EIF3M: variants seen among roughly 807,000 people sequenced by gnomAD.
The protein encoded by EIF3M is B5 receptor.
A neutral mutation model predicts 49.7 loss-of-function variants in EIF3M; 25 were observed. That is an observed-to-expected ratio of 0.50 (90% confidence interval 0.37 to 0.70). The LOEUF (loss-of-function observed/expected upper bound fraction) is 0.70. Ranked by LOEUF, EIF3M falls within the 30% of genes least tolerant of loss-of-function variation. The probability of loss-of-function intolerance (pLI) is 0.00; values close to 1 mark genes in which losing one functional copy is unlikely to be tolerated. For synonymous variants in EIF3M, 156 were observed against 149.8 expected, an observed-to-expected ratio of 1.04 and a Z score of -0.30; for missense variants, 350 against 440.0, an observed-to-expected ratio of 0.80 and a Z score of 1.83.
In EIF3M at chr11:32,596,048, G is replaced by GCCTGTTACATGAACAGAA; in HGVS notation, c.799+1_799+2insCCTGTTACATGAACAGAA. The GCCTGTTACATGAACAGAA allele has an allele frequency of 6.5e-7, 1 of 1,549,946 alleles. No homozygotes were observed. Among genetic ancestry groups the GCCTGTTACATGAACAGAA allele is most frequent in the African/African-American group, 1.4e-5 (1 of 70,716 alleles). On this transcript the variant is annotated splice_donor_variant, in intron 8 of 10. Transcript: ENST00000531120. LOFTEE classifies it high-confidence loss of function. ...AATAAAGACTTCATTGATTCACTTGGTAAGTTTTGGGGTTTATTCTTTGAG... is the reference window on the plus strand; with the variant it reads ...AATAAAGACTTCATTGATTCACTTGGCCTGTTACATGAACAGAATAAGTTTTGGGGTTTATTCTTTGAG...
chr11:32,599,361 CATTT>C (rs531443895), intron 8 of EIF3M, among the ~76,000 whole-genome samples: 41 of 152,120 alleles, frequency 2.7e-4, no homozygotes, highest in Admixed American at 3.3e-4. Flanking sequence ...ATACCTCATT[CATTT>C]GAGTTATGGT....
chr11:32,603,355 T>G lies in EIF3M; in HGVS notation c.*956T>G, dbSNP rs1416403039. 5.1e-6 allele frequency: 1 copy of G among 194,922 alleles called. No individual in the cohort carries two copies. The highest frequency in any genetic ancestry group is 1.0e-5 in the Non-Finnish European group (1 of 96,560). 12.1% of individuals were successfully genotyped at this position (194,922 alleles called of 1,614,324 possible). On this transcript the variant is annotated 3_prime_UTR_variant, in exon 11 of 11. Coordinates refer to ENST00000531120, the MANE Select transcript of EIF3M (RefSeq NM_006360.6). ...TTGGCATGTTTTCAAGACACTGTATTGGGTAATTTTAAAAATAGTGTGTTA... is the reference window on the plus strand; with the variant it reads ...TTGGCATGTTTTCAAGACACTGTATGGGGTAATTTTAAAAATAGTGTGTTA...
intron 6 of EIF3M, 64 bp from the exon 7 acceptor site, chr11:32,594,850 C>CAT: frequency 6.7e-7 from 1 of 1,482,170 alleles, no homozygotes. Flanking sequence ...TTATGATCTG[C>CAT]AAAAACTCAA....
chr11:32,586,709 A>G (rs1287759548), intron 1 of EIF3M, among the ~76,000 whole-genome samples: 1 of 152,220 alleles, frequency 6.6e-6, no homozygotes, highest in Non-Finnish European at 1.5e-5. Context: ...CCTTTGGGTT[A>G]TATTATCAAA....
chr11:32,597,785 A>C (rs1181378492), intron 8 of EIF3M, among the ~76,000 whole-genome samples: 1 of 152,214 alleles, frequency 6.6e-6, no homozygotes, highest in African/African-American at 2.4e-5. Flanking sequence ...ATCAAAACAC[A>C]TTAGAGATTG....
intron 2 of EIF3M, 151 bp downstream of exon 2, chr11:32,587,295 G>A: frequency 2.6e-6 from 2 of 783,488 alleles, no homozygotes; most frequent in Non-Finnish European, 3.7e-6. Context: ...TTGAATTTCA[G>A]ACTACAGGAC....
intron 2 of EIF3M, among the ~76,000 whole-genome samples, chr11:32,588,304 G>A (rs1182097424): frequency 2.7e-5 from 4 of 149,890 alleles, no homozygotes; most frequent in African/African-American, 7.4e-5. Context: ...CGGGAGAATC[G>A]CTTGAACCTG....
intron 7 of EIF3M, among the ~76,000 whole-genome samples, chr11:32,595,549 C>T (rs1160971388): frequency 6.6e-6 from 1 of 152,160 alleles, no homozygotes; most frequent in Non-Finnish European, 1.5e-5. Context: ...CCCTTTCTTT[C>T]ATCTTCTCAC....
At position 32,602,718 on chromosome 11, in the gene EIF3M, G is replaced by T; in HGVS notation, c.*319G>T. 1.9e-6 allele frequency: 2 copies of T among 1,036,098 alleles called. No homozygotes were observed. The highest frequency in any genetic ancestry group is 2.8e-6 in the Non-Finnish European group (2 of 726,222). 64.2% of individuals were successfully genotyped at this position (1,036,098 alleles called of 1,614,324 possible). A position where few individuals can be genotyped will look rare whatever the true frequency, so the allele number is the denominator to read the frequency against. On this transcript the variant is annotated 3_prime_UTR_variant, in exon 11 of 11. Transcript: ENST00000531120. ...AAACTTGGAAAAGCAAAGACAAACTGTAGAGCTTTAAATACAACAGTCATT... is the reference window on the plus strand; with the variant it reads ...AAACTTGGAAAAGCAAAGACAAACTTTAGAGCTTTAAATACAACAGTCATT...
rs920150544 is a variant in EIF3M at position 32,602,508 on chromosome 11, A to G, written c.*109A>G. 9.8e-5 allele frequency: 129 copies of G among 1,313,656 alleles called. 1 individual carries two copies. The Middle Eastern group carries it at 1.1e-3, about 11-fold the overall frequency. 81.4% of individuals were successfully genotyped at this position (1,313,656 alleles called of 1,614,324 possible). ...TCTGGACAGTTATTGTCTCAAATTT[A>G]TACTAAAATCACAAACTCCAGAGGA... On this transcript the variant is annotated 3_prime_UTR_variant, in exon 11 of 11. Transcript: ENST00000531120.
intron 5 of EIF3M, chr11:32,592,613 G>T: frequency 1.9e-6 from 1 of 525,464 alleles, no homozygotes. Flanking sequence ...CAGAGTTTGT[G>T]GAACATTTTG....
chr11:32,605,683 A>C lies in EIF3M; in HGVS notation c.*3284A>C, dbSNP rs1240651261. 1 of 152,212 alleles carries C rather than the reference A, an allele frequency of 6.6e-6. No homozygotes were observed. The highest frequency in any genetic ancestry group is 6.5e-5 in the Admixed American group (1 of 15,288). 9.4% of individuals were successfully genotyped at this position (152,212 alleles called of 1,614,324 possible). On this transcript the variant is annotated 3_prime_UTR_variant, in exon 11 of 11. Transcript: ENST00000531120. ...TAACTACCCACTTGCTGAGAGGGGTAGGAGCAGGGATTGGCTTTAGAGAAA... is the reference window on the plus strand; with the variant it reads ...TAACTACCCACTTGCTGAGAGGGGTCGGAGCAGGGATTGGCTTTAGAGAAA...
In EIF3M at chr11:32,594,979, C is replaced by T. The variant is rs1855157714; in HGVS notation, c.683C>T (p.Pro228Leu). 1 of 1,613,428 alleles carries T rather than the reference C, an allele frequency of 6.2e-7. No individual in the cohort carries two copies. The highest frequency in any genetic ancestry group is 1.7e-5 in the Admixed American group (1 of 59,934). Residue 228 changes from proline (P) to leucine (L), a missense_variant, in exon 7 of 11, where the codon CCA becomes CTA. Transcript: ENST00000531120. ...FLFDHLLTLK[P>L]VKFLEGELIH... Reference sequence around the variant, plus strand: ...TTTGACCACCTTCTTACTTTAAAACCAGTCAAGTTTTTGGAAGGCGAGCTT... The same window carrying T: ...TTTGACCACCTTCTTACTTTAAAACTAGTCAAGTTTTTGGAAGGCGAGCTT...
rs796738414 is a variant in EIF3M, at chr11:32,584,607, C to CAAAAAAAAAAAAAA, written c.42+686_42+699dup. On this transcript the variant is annotated intron_variant, in intron 1 of 10. Coordinates refer to ENST00000531120, the MANE Select transcript of EIF3M (RefSeq NM_006360.6). ...TGGGCGACAGAGCGAGAGTCCCTCT[C>CAAAAAAAAAAAAAA]AAAAAAAAAAAAAAAAAAAAAGATC... 3.2e-4 allele frequency among the ~76,000 whole-genome samples: 20 copies of CAAAAAAAAAAAAAA among 62,288 alleles called. 1 individual carries two copies. Among genetic ancestry groups the CAAAAAAAAAAAAAA allele is most frequent in the Admixed American group, 7.1e-4 (3 of 4,238 alleles). 40.9% of individuals were successfully genotyped at this position (62,288 alleles called of 152,430 possible). A position where few individuals can be genotyped will look rare whatever the true frequency, so the allele number is the denominator to read the frequency against.
At position 32,590,965 on chromosome 11, in the gene EIF3M, C is replaced by T. The variant is rs567755729; in HGVS notation, c.533+1324C>T. 3.9e-3 allele frequency among the ~76,000 whole-genome samples: 601 copies of T among 152,172 alleles called. 3 individuals are homozygous for T. The highest frequency in any genetic ancestry group is 0.014 in the African/African-American group (572 of 41,516). ...TCCCGGGTTCATGCCATTCTCCTGC[C>T]TCAGCCTCCTGAGCAGCTGGGACCA... On this transcript the variant is annotated intron_variant, in intron 5 of 10. Transcript: ENST00000531120.
At position 32,600,710 on chromosome 11, in the gene EIF3M, T is replaced by A. The variant is rs1428105226; in HGVS notation, c.821T>A (p.Met274Lys). ...CTAGGCCTGTTACATGAACAGAATA[T>A]GGCAAAAATGAGACTACTTACTTTT... is the stretch of plus-strand genomic sequence containing the variant. ...DSLGLLHEQN[M>K]AKMRLLTFMG... Residue 274 changes from methionine (M) to lysine (K), a missense_variant, in exon 9 of 11, where the codon ATG becomes AAG. Coordinates refer to ENST00000531120, the MANE Select transcript of EIF3M (RefSeq NM_006360.6). 1 of 1,610,578 alleles carries A rather than the reference T, an allele frequency of 6.2e-7. No homozygotes were observed. Among genetic ancestry groups the A allele is most frequent in the African/African-American group, 1.3e-5 (1 of 74,888 alleles).
At chr11:32,602,131 A>C in intron 10 of EIF3M, 148 bp from the exon 11 acceptor site, 1 of 1,231,368 alleles carries the variant, frequency 8.1e-7, no homozygotes, top group Non-Finnish European at 1.1e-6. Context: ...ATTTTTTTTA[A>C]ATAATTATGT....
At chr11:32,592,826 G>A (rs1343649474) in intron 5 of EIF3M, 14 of 365,150 alleles carry the variant, frequency 3.8e-5, no homozygotes, top group Admixed American at 3.0e-4. Flanking sequence ...TGACCATGTT[G>A]CCCACACTGG....
At chr11:32,595,069 C>T (rs755471760) in intron 7 of EIF3M, 56 bp downstream of exon 7, 3 of 1,470,830 alleles carry the variant, frequency 2.0e-6, no homozygotes, top group Non-Finnish European at 2.8e-6. Context: ...ATTTTACATA[C>T]TGAAGCAGGA....
Sources: gnomAD v4.1 joint callset for allele counts (sites outside exome capture counted in the v4.1 genomes callset) on GRCh38, gnomAD v4.1.1 for gene constraint, MANE v1.5 for transcripts, NCBI Gene and HGNC (gene_info 2026-07-23, HGNC 2026-07-21) for gene names.